Variants in FXYD6 observed in about 807,000 individuals in gnomAD.
FXYD6 encodes the protein FXYD domain containing ion transport regulator 6.
FXYD6 carries 7 observed loss-of-function variants against 16.7 expected under a neutral mutation model. The ratio of observed to expected loss-of-function variants is 0.42; its 90% CI spans 0.24 to 0.79. The LOEUF (loss-of-function observed/expected upper bound fraction) is 0.79. Ranked by LOEUF, FXYD6 falls within the 30% of genes least tolerant of loss-of-function variation. FXYD6 has a pLI of 0.28. For missense variants in FXYD6, 111 were observed against 116.2 expected (o/e 0.95, Z 0.21); for synonymous variants, 49 against 43.0 (o/e 1.14, Z -0.54).
rs993901419 is a variant in FXYD6 at position 117,870,110 on chromosome 11, G to C, written c.-6+6482C>G. Among the ~76,000 whole-genome samples the C allele has an allele frequency of 1.3e-5, 2 of 152,238 alleles. No individual in the cohort carries two copies. The highest frequency in any genetic ancestry group is 2.4e-5 in the African/African-American group (1 of 41,462). On this transcript the variant is annotated intron_variant, in intron 1 of 7. Transcript: ENST00000526014. This position sits in a 1 kb window ranked among gnomAD's most constrained non-coding sequence, Gnocchi z 4.2. ...CATCACCCATGGACTTCTCACAACAGCCCTCAGAAGCAGAAACACAGAACA... is the reference window on the plus strand; with the variant it reads ...CATCACCCATGGACTTCTCACAACACCCCTCAGAAGCAGAAACACAGAACA...
chr11:117,867,314 A>T (rs1591591587), intron 1 of FXYD6, among the ~76,000 whole-genome samples: 2 of 152,220 alleles, frequency 1.3e-5, no homozygotes, highest in African/African-American at 4.8e-5. Flanking sequence ...TTACGGCCTC[A>T]CCAAGTTTCC....
At chr11:117,868,413 C>T (rs1009598716) in intron 1 of FXYD6, among the ~76,000 whole-genome samples, 7 of 152,078 alleles carry the variant, frequency 4.6e-5, no homozygotes, top group African/African-American at 1.4e-4. Context: ...CCCTAAAACC[C>T]ATCACTCCAG....
chr11:117,849,357 T>G (rs113015300), intron 1 of FXYD6, among the ~76,000 whole-genome samples: 3 of 152,368 alleles, frequency 2.0e-5, no homozygotes, highest in East Asian at 3.9e-4. Context: ...TCACAAAACA[T>G]GGTCTGTATG....
intron 1 of FXYD6, among the ~76,000 whole-genome samples, chr11:117,858,846 G>A (rs562005172): frequency 1.5e-4 from 22 of 149,742 alleles, no homozygotes; most frequent in East Asian, 7.9e-4. Flanking sequence ...TGCGATCTTG[G>A]CTCACTGCAA....
At chr11:117,871,556 T>C (rs939736691) in intron 1 of FXYD6, among the ~76,000 whole-genome samples, 5 of 152,226 alleles carry the variant, frequency 3.3e-5, no homozygotes, top group African/African-American at 9.6e-5. Flanking sequence ...AGTATGTTTA[T>C]TGGGAATTTT....
At chr11:117,853,823 T>G (rs749279551) in intron 1 of FXYD6, among the ~76,000 whole-genome samples, 2 of 152,132 alleles carry the variant, frequency 1.3e-5, no homozygotes, top group Non-Finnish European at 2.9e-5. Flanking sequence ...TGTTTTGTTT[T>G]GTCTTTTTGG....
At chr11:117,842,261 T>G in intron 2 of FXYD6, 1 of 607,286 alleles carries the variant, frequency 1.6e-6, no homozygotes, top group East Asian at 2.8e-5. Context: ...CTCTGAGTCA[T>G]GCAACACCCA....
chr11:117,874,511 G>A (rs766282446), intron 1 of FXYD6, among the ~76,000 whole-genome samples: 4 of 152,160 alleles, frequency 2.6e-5, no homozygotes, highest in African/African-American at 9.7e-5. Flanking sequence ...CCTAACTTTC[G>A]CTTTCTTGAC....
At chr11:117,846,544 G>A (rs1427034135) in intron 1 of FXYD6, among the ~76,000 whole-genome samples, 3 of 152,202 alleles carry the variant, frequency 2.0e-5, no homozygotes, top group Non-Finnish European at 2.9e-5. Context: ...TGATGTTTGT[G>A]TATGGTGTGA....
chr11:117,855,842 G>C (rs921847032), intron 1 of FXYD6, among the ~76,000 whole-genome samples: 1 of 152,198 alleles, frequency 6.6e-6, no homozygotes, highest in African/African-American at 2.4e-5. Flanking sequence ...CACTGCTGGA[G>C]TGGGGGACTC....
chr11:117,851,993 G>C (rs916738771), intron 1 of FXYD6, among the ~76,000 whole-genome samples: 2 of 152,234 alleles, frequency 1.3e-5, no homozygotes, highest in African/African-American at 4.8e-5. Context: ...TTGCTGGCTT[G>C]AAAAAGCAAG....
intron 3 of FXYD6, 35 bp downstream of exon 3, chr11:117,841,955 C>T: frequency 6.2e-7 from 1 of 1,614,102 alleles, no homozygotes; most frequent in Admixed American, 1.7e-5. Flanking sequence ...GCTGCATTCC[C>T]CCTGACCCCT....
intron 1 of FXYD6, among the ~76,000 whole-genome samples, chr11:117,873,870 G>A (rs1361006835): frequency 6.6e-6 from 1 of 152,162 alleles, no homozygotes; most frequent in African/African-American, 2.4e-5. Context: ...AGTGAAGCAG[G>A]CTCCTCGGTT....
intron 1 of FXYD6, among the ~76,000 whole-genome samples, chr11:117,851,050 T>C (rs976498531): frequency 1.3e-5 from 2 of 152,230 alleles, no homozygotes; most frequent in African/African-American, 2.4e-5. Context: ...TAAAATTCTA[T>C]AAAATAGATA....
chr11:117,853,973 A>T (rs184810011), intron 1 of FXYD6, among the ~76,000 whole-genome samples: 59 of 152,336 alleles, frequency 3.9e-4, no homozygotes, highest in Non-Finnish European at 6.8e-4. Context: ...GCAGTCATAC[A>T]GTCCTAAAAT....
chr11:117,871,643 A>G (rs1413675083), intron 1 of FXYD6, among the ~76,000 whole-genome samples: 1 of 152,190 alleles, frequency 6.6e-6, no homozygotes, highest in Non-Finnish European at 1.5e-5. Flanking sequence ...GGATGATATA[A>G]CAATAATAAT....
chr11:117,850,514 TATTA>T (rs1346052267), intron 1 of FXYD6, among the ~76,000 whole-genome samples: 2 of 152,244 alleles, frequency 1.3e-5, no homozygotes, highest in African/African-American at 4.8e-5. Flanking sequence ...AGGCTTTCTG[TATTA>T]ATTGTCAAAT....
chr11:117,852,336 C>T (rs1277048076), intron 1 of FXYD6, among the ~76,000 whole-genome samples: 2 of 152,214 alleles, frequency 1.3e-5, no homozygotes, highest in Non-Finnish European at 2.9e-5. Flanking sequence ...GCTGCTGGGT[C>T]TGTGATCGTT....
chr11:117,857,224 C>T (rs76231094), intron 1 of FXYD6, among the ~76,000 whole-genome samples: 3,562 of 152,234 alleles, frequency 0.023, 71 homozygotes, highest in Non-Finnish European at 0.031. Context: ...CCCAAATGCT[C>T]ACTCTCTCAC....
Sources: gnomAD v4.1 joint callset for allele counts (sites outside exome capture counted in the v4.1 genomes callset) on GRCh38, gnomAD v4.1.1 for gene constraint, Gnocchi (gnomAD v3.1) non-coding constraint, MANE v1.5 for transcripts, NCBI Gene and HGNC (gene_info 2026-07-23, HGNC 2026-07-21) for gene names.